The following GNAQ variants were observed in gnomAD, a reference collection of about 807,000 sequenced individuals.
GNAQ encodes guanine nucleotide-binding protein G(q) subunit alpha.
Under a neutral mutation model 43.9 loss-of-function variants are expected in GNAQ, and 8 were observed. The observed-to-expected ratio is 0.18, with a 90% CI of 0.11 to 0.33. GNAQ has a LOEUF of 0.33. Among genes scored for constraint, GNAQ ranks in the 10% least tolerant of loss-of-function variants. GNAQ has a pLI of 1.00. For synonymous variants in GNAQ, 155 were observed against 170.7 expected (o/e 0.91, Z 0.71); for missense variants, 158 against 450.8 (o/e 0.35, Z 5.88).
chr9:77,826,089 A>G (rs755427371), intron 2 of GNAQ, among the ~76,000 whole-genome samples: 5 of 152,360 alleles, frequency 3.3e-5, no homozygotes, highest in African/African-American at 1.2e-4. Context: ...AGAGGACAAC[A>G]GGCTGTAGCT....
chr9:77,724,749 A>G (rs952504794), intron 6 of GNAQ, among the ~76,000 whole-genome samples: 1 of 152,238 alleles, frequency 6.6e-6, no homozygotes, highest in Non-Finnish European at 1.5e-5. Context: ...TACAATTTAA[A>G]AAAGTAATGT....
intron 1 of GNAQ, among the ~76,000 whole-genome samples, chr9:78,028,547 C>G (rs888157041): frequency 3.3e-5 from 5 of 152,192 alleles, no homozygotes; most frequent in African/African-American, 7.2e-5. Context: ...AAAATGGTAT[C>G]AAGCCTTGAA....
chr9:77,799,534 T>C (rs1232318277), intron 3 of GNAQ, among the ~76,000 whole-genome samples: 1 of 152,198 alleles, frequency 6.6e-6, no homozygotes, highest in Admixed American at 6.5e-5. Context: ...TTTAGCATTA[T>C]TTAAATAGCA....
At chr9:77,762,313 C>A (rs1290877344) in intron 5 of GNAQ, among the ~76,000 whole-genome samples, 2 of 147,922 alleles carry the variant, frequency 1.4e-5, no homozygotes, top group African/African-American at 5.0e-5. Context: ...GGTCAGCCCC[C>A]CGCCCGGCCA....
At chr9:77,728,728 G>T in intron 5 of GNAQ, 61 bp from the exon 6 acceptor site, 1 of 1,176,458 alleles carries the variant, frequency 8.5e-7, no homozygotes, top group South Asian at 1.3e-5. Flanking sequence ...CTTAATTTGT[G>T]AATTGTGTTT....
intron 2 of GNAQ, among the ~76,000 whole-genome samples, chr9:77,845,862 G>A (rs1238861414): frequency 6.6e-6 from 1 of 152,098 alleles, no homozygotes; most frequent in Non-Finnish European, 1.5e-5. Flanking sequence ...TAGATAAGAG[G>A]GTCCTAAAAA....
chr9:77,745,651 A>G (rs1825717698), intron 5 of GNAQ, among the ~76,000 whole-genome samples: 1 of 151,976 alleles, frequency 6.6e-6, no homozygotes, highest in Admixed American at 6.5e-5. Context: ...AAAGAAAGAT[A>G]ATTTGAAAGA....
chr9:77,871,559 G>T (rs543521484), intron 2 of GNAQ, among the ~76,000 whole-genome samples: 1 of 152,172 alleles, frequency 6.6e-6, no homozygotes, highest in South Asian at 2.1e-4. Flanking sequence ...ACAGTGGTGG[G>T]CTTTTCTGAT....
chr9:77,966,916 G>A (rs1024688838), intron 1 of GNAQ, among the ~76,000 whole-genome samples: 4 of 152,076 alleles, frequency 2.6e-5, no homozygotes, highest in South Asian at 2.1e-4. Context: ...CCTCTGCCAC[G>A]GTCAACATCA....
chr9:77,895,114 C>T (rs1293563873), intron 2 of GNAQ, among the ~76,000 whole-genome samples: 1 of 149,892 alleles, frequency 6.7e-6, no homozygotes, highest in Non-Finnish European at 1.5e-5. Context: ...AGGAGAATGG[C>T]ATGAACCCGG....
At chr9:77,784,278 T>C (rs1489322996) in intron 5 of GNAQ, among the ~76,000 whole-genome samples, 3 of 152,158 alleles carry the variant, frequency 2.0e-5, no homozygotes, top group Non-Finnish European at 2.9e-5. Context: ...CAATTTATAT[T>C]TTACATGTAT....
At chr9:77,754,786 T>C (rs1462289029) in intron 5 of GNAQ, among the ~76,000 whole-genome samples, 1 of 152,150 alleles carries the variant, frequency 6.6e-6, no homozygotes, top group Non-Finnish European at 1.5e-5. Flanking sequence ...GGAATGTAAA[T>C]TAGCACAGCC....
intron 1 of GNAQ, among the ~76,000 whole-genome samples, chr9:78,029,021 T>C (rs1824016620): frequency 6.6e-6 from 1 of 152,208 alleles, no homozygotes; most frequent in Non-Finnish European, 1.5e-5. Context: ...GCAGTAAAAT[T>C]GGTTTACACT....
intron 1 of GNAQ, among the ~76,000 whole-genome samples, chr9:77,948,708 T>C (rs960277856): frequency 3.3e-5 from 5 of 152,200 alleles, no homozygotes; most frequent in African/African-American, 1.2e-4. Context: ...AGGTAAATTT[T>C]ATTTTCCTGA....
At chr9:77,876,477 A>C (rs1002862128) in intron 2 of GNAQ, among the ~76,000 whole-genome samples, 4 of 152,264 alleles carry the variant, frequency 2.6e-5, no homozygotes, top group African/African-American at 7.2e-5. Context: ...TACATAGAGC[A>C]CTTGGCACTT....
At chr9:77,838,010 A>G (rs925048042) in intron 2 of GNAQ, among the ~76,000 whole-genome samples, 4 of 151,996 alleles carry the variant, frequency 2.6e-5, no homozygotes, top group African/African-American at 9.7e-5. Context: ...GGTATGCGCC[A>G]CCACGCCCAG....
chr9:77,917,721 G>A (rs1250607050), intron 2 of GNAQ, among the ~76,000 whole-genome samples: 2 of 151,990 alleles, frequency 1.3e-5, no homozygotes. Context: ...TTGTGTTCAG[G>A]GAAAATGCAA....
chr9:77,872,201 A>G (rs1483025091), intron 2 of GNAQ, among the ~76,000 whole-genome samples: 1 of 152,246 alleles, frequency 6.6e-6, no homozygotes, highest in East Asian at 1.9e-4. Flanking sequence ...TGCAATATGC[A>G]GTGCAAATGT....
intron 1 of GNAQ, among the ~76,000 whole-genome samples, chr9:78,017,264 CTAAATG>C: frequency 6.6e-6 from 1 of 152,142 alleles, no homozygotes; most frequent in Non-Finnish European, 1.5e-5. Flanking sequence ...AGTTCGGTCA[CTAAATG>C]TAAAGTTGAG....
Sources: allele counts gnomAD v4.1 joint callset (sites outside exome capture counted in the v4.1 genomes callset), GRCh38; gene constraint gnomAD v4.1.1; transcripts MANE v1.5; gene names NCBI Gene and HGNC (gene_info 2026-07-23, HGNC 2026-07-21).